Variants in TBC1D2B observed in about 807,000 individuals in gnomAD.
TBC1D2B encodes TBC1 domain family, member 2B.
Under a neutral mutation model 100.8 loss-of-function variants are expected in TBC1D2B, and 64 were observed. That is an observed-to-expected ratio of 0.64 (90% confidence interval 0.52 to 0.78). The LOEUF (loss-of-function observed/expected upper bound fraction) is 0.78, where lower values mean the gene tolerates loss of function less well. TBC1D2B is among the 30% of genes least tolerant of loss of function. The pLI, the probability that TBC1D2B is intolerant of heterozygous loss-of-function variation, is 0.00. For missense variants in TBC1D2B, 1,052 were observed against 1,218.4 expected (o/e 0.86, Z 2.03); for synonymous variants, 480 against 479.7 (o/e 1.00, Z -0.01).
At chr15:78,062,301 A>C (rs2141828821) in intron 1 of TBC1D2B, among the ~76,000 whole-genome samples, 1 of 152,342 alleles carries the variant, frequency 6.6e-6, no homozygotes, top group Non-Finnish European at 1.5e-5. Flanking sequence ...CACTACAAAT[A>C]AATTAATAGA....
rs2073368584 is a variant in TBC1D2B at position 78,054,029 on chromosome 15, C to T, written c.514+5G>A. 2 of 1,610,156 alleles carry T rather than the reference C, an allele frequency of 1.2e-6. No individual in the cohort carries two copies. The highest frequency in any genetic ancestry group is 1.7e-6 in the Non-Finnish European group (2 of 1,178,482). ...TGACCCAGCTCCCCTTTATTTCTGC[C>T]TTACCAGTGTTATCTCTGGCTACAA... On this transcript the variant is annotated splice_donor_5th_base_variant and intron_variant, in intron 2 of 12. Coordinates refer to ENST00000300584, the MANE Select transcript of TBC1D2B (RefSeq NM_144572.2).
At chr15:78,008,343 T>A (rs906902184) in intron 10 of TBC1D2B, among the ~76,000 whole-genome samples, 3 of 152,224 alleles carry the variant, frequency 2.0e-5, no homozygotes, top group Non-Finnish European at 2.9e-5. Context: ...GCCCCACTGC[T>A]GCCCCTCTGG....
chr15:78,039,536 G>A (rs145646035), intron 3 of TBC1D2B, among the ~76,000 whole-genome samples: 1 of 152,248 alleles, frequency 6.6e-6, no homozygotes, highest in East Asian at 1.9e-4. Context: ...CCTTACACCT[G>A]CATTGAGAAA....
chr15:78,031,145 CT>C (rs746320650), intron 3 of TBC1D2B, among the ~76,000 whole-genome samples: 5 of 152,214 alleles, frequency 3.3e-5, no homozygotes, highest in African/African-American at 4.8e-5. Context: ...ACAGAGACTA[CT>C]TATGGATACA....
chr15:78,044,893 G>T lies in TBC1D2B; in HGVS notation c.683+7C>A. 1.9e-6 allele frequency: 3 copies of T among 1,592,540 alleles called. No homozygotes were observed. The highest frequency in any genetic ancestry group is 2.6e-6 in the Non-Finnish European group (3 of 1,166,806). On this transcript the variant is annotated splice_region_variant and intron_variant, in intron 3 of 12. Transcript: ENST00000300584. Reference sequence around the variant, plus strand: ...TCAATTTCATATGCTGCTTTCTAAAGACTCACTTGAGCTCATTGCCCCACT... The same window carrying T: ...TCAATTTCATATGCTGCTTTCTAAATACTCACTTGAGCTCATTGCCCCACT...
chr15:78,055,249 A>AGTCAT (rs1156510487), intron 1 of TBC1D2B, among the ~76,000 whole-genome samples: 1 of 152,184 alleles, frequency 6.6e-6, no homozygotes, highest in Non-Finnish European at 1.5e-5. Flanking sequence ...TTCTGGGTAA[A>AGTCAT]GTCATGATTC....
rs141556434 is a variant in TBC1D2B at position 78,048,188 on chromosome 15, G to A, written c.515-3120C>T. Among the ~76,000 whole-genome samples, 1,075 of 152,354 alleles carry A rather than the reference G, an allele frequency of 7.1e-3. 13 individuals carry two copies. The highest frequency in any genetic ancestry group is 0.011 in the Non-Finnish European group (753 of 68,044). Reference sequence around the variant, plus strand: ...GGTGGAGAAAAGGGACCAGAGACCAGGGAGGAACACGTTGGAGGAAAATTT... The same window carrying A: ...GGTGGAGAAAAGGGACCAGAGACCAAGGAGGAACACGTTGGAGGAAAATTT... On this transcript the variant is annotated intron_variant, in intron 2 of 12. Coordinates refer to ENST00000300584, the MANE Select transcript of TBC1D2B (RefSeq NM_144572.2).
chr15:78,032,239 C>A (rs547436779), intron 3 of TBC1D2B, among the ~76,000 whole-genome samples: 1 of 152,206 alleles, frequency 6.6e-6, no homozygotes, highest in East Asian at 1.9e-4. Context: ...GAGTGGAAAA[C>A]CTCATAATTC....
chr15:78,012,231 C>A (rs1264961149), intron 9 of TBC1D2B, among the ~76,000 whole-genome samples: 1 of 152,220 alleles, frequency 6.6e-6, no homozygotes, highest in African/African-American at 2.4e-5. Context: ...GGGGAGCAAA[C>A]CTCAGTCCTC....
chr15:78,045,994 C>T (rs764518051), intron 2 of TBC1D2B, among the ~76,000 whole-genome samples: 2 of 152,050 alleles, frequency 1.3e-5, no homozygotes, highest in Non-Finnish European at 2.9e-5. Flanking sequence ...TGCAATGGCG[C>T]GGTCTCGGCT....
chr15:78,077,159 A>G, intron 1 of TBC1D2B, 134 bp downstream of exon 1: 2 of 1,213,076 alleles, frequency 1.6e-6, no homozygotes, highest in East Asian at 3.1e-5. Context: ...GATGTGGAGA[A>G]GCAGGGAAAG....
chr15:78,058,684 G>A (rs771230610), intron 1 of TBC1D2B, among the ~76,000 whole-genome samples: 2 of 152,196 alleles, frequency 1.3e-5, no homozygotes, highest in African/African-American at 2.4e-5. Context: ...AGACACGCCC[G>A]CCGGAGGAGT....
At chr15:78,059,791 T>C (rs1245837486) in intron 1 of TBC1D2B, among the ~76,000 whole-genome samples, 1 of 152,108 alleles carries the variant, frequency 6.6e-6, no homozygotes, top group Non-Finnish European at 1.5e-5. Context: ...AGCTCTCAAC[T>C]TGATGCTTAG....
intron 3 of TBC1D2B, among the ~76,000 whole-genome samples, chr15:78,030,468 ATT>A (rs552651969): frequency 6.7e-6 from 1 of 150,202 alleles, no homozygotes; most frequent in East Asian, 2.0e-4. Context: ...TGCCCAGCTA[ATT>A]TTTTTTTTAA....
At chr15:78,067,584 G>C (rs567337000) in intron 1 of TBC1D2B, among the ~76,000 whole-genome samples, 3 of 152,180 alleles carry the variant, frequency 2.0e-5, no homozygotes, top group Non-Finnish European at 2.9e-5. Context: ...TCCAGGCCAC[G>C]GCCAGGCCTG....
At chr15:78,003,031 T>G in intron 11 of TBC1D2B, 1 of 296,700 alleles carries the variant, frequency 3.4e-6, no homozygotes, top group Admixed American at 4.0e-5. Context: ...CACCAGCCAT[T>G]TGACAGATGG....
In TBC1D2B at chr15:78,060,064, C is replaced by T. The variant is rs77134607; in HGVS notation, c.361-5877G>A. On this transcript the variant is annotated intron_variant, in intron 1 of 12. Transcript: ENST00000300584. ...ATACTAATGTTCACATTCTTTGACC[C>T]ACAATTCTATTCCTGGGAATGTAGC... Among the ~76,000 whole-genome samples, 673 of 152,266 alleles carry T rather than the reference C, an allele frequency of 4.4e-3. 6 individuals are homozygous for T. The highest frequency in any genetic ancestry group is 0.016 in the African/African-American group (649 of 41,538).
chr15:78,046,502 CT>C (rs34934180), intron 2 of TBC1D2B, among the ~76,000 whole-genome samples: 89 of 147,308 alleles, frequency 6.0e-4, no homozygotes, highest in Middle Eastern at 3.6e-3. Flanking sequence ...ATTATTTTCT[CT>C]TTTTTTTTTT....
intron 4 of TBC1D2B, among the ~76,000 whole-genome samples, chr15:78,029,571 A>T (rs1057042217): frequency 1.3e-5 from 2 of 152,244 alleles, no homozygotes; most frequent in Non-Finnish European, 2.9e-5. Flanking sequence ...TGCCTACAAT[A>T]ATAATCCAGC....
Sources: gnomAD v4.1 joint callset for allele counts (sites outside exome capture counted in the v4.1 genomes callset) on GRCh38, gnomAD v4.1.1 for gene constraint, MANE v1.5 for transcripts, NCBI Gene and HGNC (gene_info 2026-07-23, HGNC 2026-07-21) for gene names.